DAPK1: variants seen among roughly 807,000 people sequenced by gnomAD.
The protein encoded by DAPK1 is death associated protein kinase 1.
DAPK1 carries 56 observed loss-of-function variants against 144.9 expected under a neutral mutation model. The observed-to-expected ratio is 0.39, with a 90% confidence interval of 0.31 to 0.48. DAPK1 has a LOEUF of 0.48. Among genes scored for constraint, DAPK1 ranks in the 20% least tolerant of loss-of-function variants. The probability of loss-of-function intolerance (pLI) is 0.95; values close to 1 mark genes in which losing one functional copy is unlikely to be tolerated. For synonymous variants in DAPK1, 690 were observed against 749.0 expected (o/e 0.92, Z 1.29); for missense variants, 1,454 against 1,875.4 (o/e 0.78, Z 4.15).
intron 2 of DAPK1, among the ~76,000 whole-genome samples, chr9:87,556,426 A>G (rs1336961016): frequency 6.6e-6 from 1 of 152,246 alleles, no homozygotes; most frequent in Non-Finnish European, 1.5e-5. Context: ...GTCACGGGCA[A>G]AGGGGCTTCC....
intron 2 of DAPK1, among the ~76,000 whole-genome samples, chr9:87,580,722 C>T (rs1013464231): frequency 5.3e-5 from 8 of 152,188 alleles, no homozygotes; most frequent in Non-Finnish European, 1.0e-4. Context: ...AAGCTCCCAT[C>T]GCTTTGGCCT....
At chr9:87,546,462 G>A (rs1826254240) in intron 2 of DAPK1, among the ~76,000 whole-genome samples, 1 of 152,174 alleles carries the variant, frequency 6.6e-6, no homozygotes, top group Non-Finnish European at 1.5e-5. Flanking sequence ...TGGCCCATAG[G>A]AGGTAGGGGT....
At chr9:87,577,521 G>C (rs1053933469) in intron 2 of DAPK1, among the ~76,000 whole-genome samples, 1 of 152,204 alleles carries the variant, frequency 6.6e-6, no homozygotes, top group African/African-American at 2.4e-5. Flanking sequence ...CAGTGAGCCA[G>C]GCACAGTGGC....
intron 2 of DAPK1, among the ~76,000 whole-genome samples, chr9:87,586,016 G>A (rs912622149): frequency 1.3e-5 from 2 of 152,074 alleles, no homozygotes; most frequent in Non-Finnish European, 2.9e-5. Flanking sequence ...ACCTGGGTAT[G>A]GTGGCTCACA....
chr9:87,641,422 T>G (rs1830088226), intron 9 of DAPK1, among the ~76,000 whole-genome samples: 1 of 152,044 alleles, frequency 6.6e-6, no homozygotes, highest in Non-Finnish European at 1.5e-5. Context: ...AATAAAGAAG[T>G]GAACATCACA....
chr9:87,582,271 A>G (rs1827777422), intron 2 of DAPK1, among the ~76,000 whole-genome samples: 1 of 152,138 alleles, frequency 6.6e-6, no homozygotes. Context: ...TGGAGGTGAA[A>G]TGAATTATTA....
At chr9:87,510,574 A>G (rs1241551295) in intron 2 of DAPK1, among the ~76,000 whole-genome samples, 1 of 152,198 alleles carries the variant, frequency 6.6e-6, no homozygotes, top group Non-Finnish European at 1.5e-5. Context: ...TTCTTATTAC[A>G]GGGGACTTAT....
At chr9:87,679,601 C>G (rs981854853) in intron 19 of DAPK1, among the ~76,000 whole-genome samples, 2 of 152,184 alleles carry the variant, frequency 1.3e-5, no homozygotes, top group African/African-American at 4.8e-5. Flanking sequence ...AAATTGTTCA[C>G]ATGTCTGTAT....
At chr9:87,602,452 C>T (rs1303277702) in intron 2 of DAPK1, among the ~76,000 whole-genome samples, 1 of 152,182 alleles carries the variant, frequency 6.6e-6, no homozygotes, top group Non-Finnish European at 1.5e-5. Flanking sequence ...CATTCAGCAC[C>T]TGCCTTCATC....
chr9:87,510,022 A>C (rs1178755125), intron 2 of DAPK1, among the ~76,000 whole-genome samples: 3 of 152,208 alleles, frequency 2.0e-5, no homozygotes, highest in Admixed American at 2.0e-4. Context: ...AGAATCGATA[A>C]GGGTGTGCCC....
At chr9:87,612,872 C>G (rs1291898020) in intron 3 of DAPK1, among the ~76,000 whole-genome samples, 1 of 152,142 alleles carries the variant, frequency 6.6e-6, no homozygotes, top group African/African-American at 2.4e-5. Context: ...GGATGGTCAC[C>G]TGAGTAGCTC....
Position 87,698,639 on chromosome 9 carries a change from T to A in DAPK1, c.2612-17T>A. On this transcript the variant is annotated splice_polypyrimidine_tract_variant and intron_variant, in intron 22 of 25. Transcript: ENST00000408954. ...AGGAGGACCCACCCCCTGAAGCAGT[T>A]CCCTCTCTGCCCCCAGCCTTCGGTG... 2.5e-6 allele frequency: 4 copies of A among 1,586,674 alleles called. No homozygotes were observed. Among genetic ancestry groups the A allele is most frequent in the Non-Finnish European group, 3.5e-6 (4 of 1,156,824 alleles).
At chr9:87,503,097 C>G (rs939707282) in intron 2 of DAPK1, among the ~76,000 whole-genome samples, 1 of 152,116 alleles carries the variant, frequency 6.6e-6, no homozygotes, top group East Asian at 1.9e-4. Context: ...GACACCTACC[C>G]TGGTAGAGTG....
chr9:87,604,012 A>C (rs1368206699), intron 2 of DAPK1, among the ~76,000 whole-genome samples: 1 of 152,172 alleles, frequency 6.6e-6, no homozygotes, highest in Non-Finnish European at 1.5e-5. Context: ...TCGCTGAAAC[A>C]TCACAGGCAG....
intron 18 of DAPK1, among the ~76,000 whole-genome samples, chr9:87,661,179 A>G (rs1306162374): frequency 7.2e-5 from 11 of 152,126 alleles, no homozygotes; most frequent in Admixed American, 6.5e-4. Context: ...TCCATTGTGT[A>G]TATATACCAC....
At chr9:87,611,527 T>A in intron 3 of DAPK1, among the ~76,000 whole-genome samples, 1 of 152,196 alleles carries the variant, frequency 6.6e-6, no homozygotes, top group South Asian at 2.1e-4. Context: ...GGTGCAATCA[T>A]AGCTCACTGC....
chr9:87,632,398 G>T, intron 3 of DAPK1: 1 of 983,932 alleles, frequency 1.0e-6, no homozygotes, highest in Non-Finnish European at 1.2e-6. Flanking sequence ...GAAGGAAGAT[G>T]GGTATACATG....
At chr9:87,571,737 C>T (rs1005561837) in intron 2 of DAPK1, among the ~76,000 whole-genome samples, 5 of 152,150 alleles carry the variant, frequency 3.3e-5, no homozygotes, top group Admixed American at 6.5e-5. Flanking sequence ...GCAGTGCGTG[C>T]GTGCCAATGA....
chr9:87,621,254 T>C (rs533681939), intron 3 of DAPK1, among the ~76,000 whole-genome samples: 1 of 152,306 alleles, frequency 6.6e-6, no homozygotes, highest in East Asian at 1.9e-4. Flanking sequence ...GATGATCACC[T>C]GGAAGGTCCA....
Sources: allele counts gnomAD v4.1 joint callset (sites outside exome capture counted in the v4.1 genomes callset), GRCh38; gene constraint gnomAD v4.1.1; transcripts MANE v1.5; gene names NCBI Gene and HGNC (gene_info 2026-07-23, HGNC 2026-07-21).